Variants in SLF2 observed in about 807,000 individuals in gnomAD.
SLF2 encodes SMC5-SMC6 complex localization factor protein 2.
Under a neutral mutation model 124.3 loss-of-function variants are expected in SLF2, and 68 were observed. The observed-to-expected ratio is 0.55, with a 90% confidence interval of 0.45 to 0.67. SLF2 has a LOEUF of 0.67. Ranked by LOEUF, SLF2 falls within the 30% of genes least tolerant of loss-of-function variation. The pLI, the probability that SLF2 is intolerant of heterozygous loss-of-function variation, is 0.00. For synonymous variants in SLF2, 480 were observed against 478.8 expected, an observed-to-expected ratio of 1.00 and a Z score of -0.03; for missense variants, 1,246 against 1,373.7, an observed-to-expected ratio of 0.91 and a Z score of 1.47.
At chr10:100,952,529 A>G (rs543706170) in intron 17 of SLF2, among the ~76,000 whole-genome samples, 45 of 151,572 alleles carry the variant, frequency 3.0e-4, no homozygotes, top group African/African-American at 1.0e-3. Flanking sequence ...CCTGGGCAAC[A>G]GAGGGAGACT....
chr10:100,943,726 A>G (rs1850022795), intron 11 of SLF2: 1 of 245,300 alleles, frequency 4.1e-6, no homozygotes, highest in Non-Finnish European at 7.8e-6. Context: ...AGCTTGTTCA[A>G]GAGAAAACTG....
At chr10:100,934,592 A>G (rs971969513) in intron 9 of SLF2, among the ~76,000 whole-genome samples, 1 of 151,644 alleles carries the variant, frequency 6.6e-6, no homozygotes, top group Non-Finnish European at 1.5e-5. Flanking sequence ...TTACATTTTT[A>G]TTTTATTTTA....
chr10:100,942,745 C>T (rs999695346), intron 11 of SLF2, among the ~76,000 whole-genome samples: 65 of 152,220 alleles, frequency 4.3e-4, no homozygotes, highest in African/African-American at 1.5e-3. Context: ...TCTCGAACTC[C>T]TGACCTCGGG....
intron 19 of SLF2, among the ~76,000 whole-genome samples, chr10:100,961,458 CTATTT>C (rs1589972010): frequency 2.0e-5 from 3 of 152,188 alleles, no homozygotes; most frequent in East Asian, 3.9e-4. Flanking sequence ...AGCAATCTCT[CTATTT>C]TAAGTCTTTG....
At chr10:100,928,134 A>C (rs1270789059) in intron 6 of SLF2, among the ~76,000 whole-genome samples, 2 of 146,664 alleles carry the variant, frequency 1.4e-5, no homozygotes, top group African/African-American at 5.0e-5. Flanking sequence ...ATCTTAATGA[A>C]ATTTATGTGA....
At chr10:100,957,333 T>A (rs1299165225) in intron 18 of SLF2, among the ~76,000 whole-genome samples, 1 of 6,348 alleles carries the variant, frequency 1.6e-4, no homozygotes, top group Admixed American at 1.9e-3. Flanking sequence ...GTCTTCAATT[T>A]TTTTTTTTTT....
chr10:100,918,351 CACTT>C (rs1465616733), intron 3 of SLF2, 29 bp from the exon 4 acceptor site: 2 of 1,427,452 alleles, frequency 1.4e-6, no homozygotes, highest in Admixed American at 2.0e-5. Context: ...CTGTCCCCAA[CACTT>C]AATTAATTTT....
chr10:100,930,009 A>G lies in SLF2; in HGVS notation c.2333+12A>G. 6.8e-7 allele frequency: 1 copy of G among 1,469,746 alleles called. No individual in the cohort carries two copies. Among genetic ancestry groups the G allele is most frequent in the Non-Finnish European group, 9.1e-7 (1 of 1,097,998 alleles). 91.0% of individuals were successfully genotyped at this position (1,469,746 alleles called of 1,614,324 possible). ...AAACTTATTCTTAAGTAAGTAGAAA[A>G]ATAGACATTTTACTTTTATATGTAT... On this transcript the variant is annotated intron_variant, in intron 8 of 19. Transcript: ENST00000238961.
rs1414660353 is a variant in SLF2, at chr10:100,924,971, C to T, written c.1970C>T (p.Thr657Ile). The T allele has an allele frequency of 6.2e-7, 1 of 1,607,066 alleles. No individual in the cohort carries two copies. Among genetic ancestry groups the T allele is most frequent in the South Asian group, 1.1e-5 (1 of 90,532 alleles). ...KGLRSQSSDYTGHVHPGTYTN... is the reference protein window; with the variant it reads ...KGLRSQSSDYIGHVHPGTYTN... ...CTTAGATCTCAGTCATCAGACTATA[C>T]AGTAAGTAGTTCTGTGACGTTTATC... Residue 657 changes from threonine to isoleucine, a missense_variant and splice_region_variant, in exon 5 of 20, where the codon ACA becomes ATA. By Grantham distance (89) the Thr-to-Ile change is moderately conservative. Coordinates refer to ENST00000238961, the MANE Select transcript of SLF2 (RefSeq NM_018121.4).
chr10:100,932,866 G>A (rs1202978502), intron 9 of SLF2, among the ~76,000 whole-genome samples: 1 of 128,540 alleles, frequency 7.8e-6, no homozygotes, highest in Non-Finnish European at 1.9e-5. Context: ...TGAAGGTCTT[G>A]CGGTTAAGGT....
intron 12 of SLF2, among the ~76,000 whole-genome samples, chr10:100,944,592 CT>C (rs1850063439): frequency 1.3e-5 from 2 of 151,018 alleles, no homozygotes. Context: ...ATTGTTTTTG[CT>C]GTTTTTATTT....
At chr10:100,925,730 A>G (rs1849599520) in intron 5 of SLF2, among the ~76,000 whole-genome samples, 1 of 152,214 alleles carries the variant, frequency 6.6e-6, no homozygotes, top group Non-Finnish European at 1.5e-5. Flanking sequence ...GCAGGGTTTT[A>G]TAAGTACTGC....
chr10:100,956,122 T>C (rs1277778183), intron 17 of SLF2, among the ~76,000 whole-genome samples: 2 of 152,074 alleles, frequency 1.3e-5, no homozygotes, highest in African/African-American at 4.8e-5. Flanking sequence ...TGTCTGAATA[T>C]TTTGTTAGCG....
chr10:100,925,863 A>G, intron 5 of SLF2, 86 bp from the exon 6 acceptor site: 4 of 1,252,066 alleles, frequency 3.2e-6, no homozygotes, highest in Non-Finnish European at 4.4e-6. Context: ...AATAGAAAAT[A>G]GTCTTTCGTA....
rs1850469168 is a variant in SLF2 at position 100,963,963 on chromosome 10, C to G, written c.*2051C>G. On this transcript the variant is annotated 3_prime_UTR_variant, in exon 20 of 20. Transcript: ENST00000238961. ...GGTCCCTCTAAAATAAATGGCCAGA[C>G]CTCAGTTTAGGCCCTTGTATTTATG... 6.6e-6 allele frequency: 1 copy of G among 152,448 alleles called. No homozygotes were observed. The highest frequency in any genetic ancestry group is 2.4e-5 in the African/African-American group (1 of 41,382). The allele number at this position is 152,448 out of a possible 1,614,324, so 9.4% of individuals were successfully genotyped here.
At chr10:100,917,427 T>C in intron 3 of SLF2, 127 bp downstream of exon 3, 1 of 1,075,840 alleles carries the variant, frequency 9.3e-7, no homozygotes, top group Non-Finnish European at 1.3e-6. Flanking sequence ...TTATGCACAG[T>C]TTGTGTAGAA....
chr10:100,950,521 AG>A (rs541468539), intron 16 of SLF2, among the ~76,000 whole-genome samples, 154 bp from the exon 17 acceptor site: 37 of 152,272 alleles, frequency 2.4e-4, no homozygotes, highest in African/African-American at 8.9e-4. Context: ...GAAATGAGAA[AG>A]CCTAGTTTAG....
chr10:100,913,467 C>CACCA, intron 1 of SLF2: 2 of 1,309,602 alleles, frequency 1.5e-6, no homozygotes. Flanking sequence ...GTCTAGTGAC[C>CACCA]ACCAGCCTGG....
intron 14 of SLF2, among the ~76,000 whole-genome samples, chr10:100,947,426 C>A (rs1288971806): frequency 1.3e-5 from 2 of 151,494 alleles, no homozygotes; most frequent in African/African-American, 2.4e-5. Flanking sequence ...ATACAGATGA[C>A]ATATTCCACA....
Sources: allele counts gnomAD v4.1 joint callset (sites outside exome capture counted in the v4.1 genomes callset), GRCh38; gene constraint gnomAD v4.1.1; transcripts MANE v1.5; gene names NCBI Gene and HGNC (gene_info 2026-07-23, HGNC 2026-07-21).